CCDC149: variants seen among roughly 807,000 people sequenced by gnomAD.
The protein encoded by CCDC149 is coiled-coil domain-containing protein 149.
CCDC149 carries 45 observed loss-of-function variants against 59.9 expected under a neutral mutation model. The ratio of observed to expected loss-of-function variants is 0.75; its 90% CI spans 0.59 to 0.96. The LOEUF (loss-of-function observed/expected upper bound fraction) is 0.96. CCDC149 is among the 40% of genes least tolerant of loss of function. The pLI, the probability that CCDC149 is intolerant of heterozygous loss-of-function variation, is 0.00. For synonymous variants in CCDC149, 245 were observed against 260.6 expected (o/e 0.94, Z 0.58); for missense variants, 584 against 664.7 (o/e 0.88, Z 1.33).
At chr4:24,979,703 G>A (rs964420162) in intron 1 of CCDC149, among the ~76,000 whole-genome samples, 1 of 152,174 alleles carries the variant, frequency 6.6e-6, no homozygotes, top group Non-Finnish European at 1.5e-5. Context: ...AAACCAGAGT[G>A]CAACGGAAAG....
intron 4 of CCDC149, among the ~76,000 whole-genome samples, chr4:24,848,600 T>G (rs56361784): frequency 6.7e-6 from 1 of 148,902 alleles, no homozygotes; most frequent in African/African-American, 2.5e-5. Flanking sequence ...ATAAATACAA[T>G]AAATAATGAC....
chr4:24,960,058 C>T (rs1723594162), intron 1 of CCDC149, among the ~76,000 whole-genome samples: 1 of 152,120 alleles, frequency 6.6e-6, no homozygotes, highest in Non-Finnish European at 1.5e-5. Context: ...ACAAAATAAT[C>T]ACAATGAATT....
At chr4:24,943,287 A>G (rs1485051142) in intron 1 of CCDC149, among the ~76,000 whole-genome samples, 3 of 152,220 alleles carry the variant, frequency 2.0e-5, no homozygotes, top group East Asian at 1.9e-4. Context: ...CTGATCCTTG[A>G]CAAACCTGAG....
intron 1 of CCDC149, among the ~76,000 whole-genome samples, chr4:24,951,992 G>T (rs2109355211): frequency 6.6e-6 from 1 of 152,300 alleles, no homozygotes; most frequent in Admixed American, 6.5e-5. Context: ...AATTTTGAAA[G>T]GAGAGTCCTC....
At chr4:24,896,533 C>T (rs534648749) in intron 1 of CCDC149, among the ~76,000 whole-genome samples, 32 of 152,168 alleles carry the variant, frequency 2.1e-4, no homozygotes, top group African/African-American at 4.6e-4. Flanking sequence ...TGTTCAGACA[C>T]GCTATAATAC....
chr4:24,894,260 A>G (rs1424942389), intron 1 of CCDC149, among the ~76,000 whole-genome samples: 1 of 152,228 alleles, frequency 6.6e-6, no homozygotes, highest in Non-Finnish European at 1.5e-5. Context: ...CTGCAAATGG[A>G]AACTTAATAT....
chr4:24,889,846 C>A (rs1720426475), intron 1 of CCDC149, among the ~76,000 whole-genome samples: 1 of 152,064 alleles, frequency 6.6e-6, no homozygotes, highest in Non-Finnish European at 1.5e-5. Flanking sequence ...CTAAAAAATA[C>A]CCTAACACCC....
chr4:24,941,274 A>G (rs1466435650), intron 1 of CCDC149, among the ~76,000 whole-genome samples: 2 of 152,242 alleles, frequency 1.3e-5, no homozygotes, highest in East Asian at 3.9e-4. Context: ...ATGGAAACTG[A>G]ACAACCTGCT....
intron 3 of CCDC149, among the ~76,000 whole-genome samples, chr4:24,861,850 GA>G (rs1718409842): frequency 6.6e-6 from 1 of 152,174 alleles, no homozygotes; most frequent in Admixed American, 6.5e-5. Context: ...AGATGGACAT[GA>G]AGGGAATCAG....
intron 2 of CCDC149, among the ~76,000 whole-genome samples, chr4:24,874,260 G>T (rs13113491): frequency 0.17 from 5,626 of 32,382 alleles, 714 homozygotes; most frequent in African/African-American, 0.36. Context: ...TTTTTTTTTT[G>T]TTTTGTTTTT....
intron 3 of CCDC149, among the ~76,000 whole-genome samples, chr4:24,863,031 G>T (rs1718473914): frequency 2.0e-5 from 3 of 152,178 alleles, no homozygotes. Flanking sequence ...AATGGCTCAG[G>T]CCTGTAATCC....
intron 1 of CCDC149, among the ~76,000 whole-genome samples, chr4:24,885,640 G>A (rs1042646020): frequency 3.9e-5 from 6 of 152,162 alleles, no homozygotes; most frequent in African/African-American, 1.4e-4. Context: ...AGGAAAAACA[G>A]GGAAATATCC....
chr4:24,843,250 A>G (rs954226018), intron 4 of CCDC149, among the ~76,000 whole-genome samples: 12 of 152,366 alleles, frequency 7.9e-5, no homozygotes, highest in Middle Eastern at 3.4e-3. Flanking sequence ...CGAGAGGGTC[A>G]GATGAAAGAA....
At chr4:24,976,549 C>T (rs1360781632) in intron 1 of CCDC149, among the ~76,000 whole-genome samples, 1 of 152,048 alleles carries the variant, frequency 6.6e-6, no homozygotes, top group African/African-American at 2.4e-5. Context: ...TCCATCTCTA[C>T]CAAAAATACA....
chr4:24,885,716 C>T (rs1018618371), intron 1 of CCDC149, among the ~76,000 whole-genome samples: 6 of 152,220 alleles, frequency 3.9e-5, no homozygotes, highest in Non-Finnish European at 8.8e-5. Flanking sequence ...TCCACTTTTG[C>T]TCTTCAGTCA....
chr4:24,952,619 AAAAAAAAAT>A (rs1723337153), intron 1 of CCDC149, among the ~76,000 whole-genome samples: 4 of 35,156 alleles, frequency 1.1e-4, no homozygotes, highest in Admixed American at 4.5e-4. Context: ...AAAAAAAAAA[AAAAAAAAAT>A]ATATATATAT....
chr4:24,872,730 G>A (rs1719121536), intron 3 of CCDC149, among the ~76,000 whole-genome samples: 1 of 141,732 alleles, frequency 7.1e-6, no homozygotes, highest in Non-Finnish European at 1.5e-5. Flanking sequence ...CCCGCCAAAT[G>A]GTAAGCACCC....
At chr4:24,852,287 T>TAAAC in intron 4 of CCDC149, among the ~76,000 whole-genome samples, 1 of 121,356 alleles carries the variant, frequency 8.2e-6, no homozygotes, top group East Asian at 2.6e-4. Context: ...CAACACACCA[T>TAAAC]ACACACACAC....
At chr4:24,900,330 C>T (rs1373609670) in intron 1 of CCDC149, among the ~76,000 whole-genome samples, 4 of 152,238 alleles carry the variant, frequency 2.6e-5, no homozygotes, top group Non-Finnish European at 4.4e-5. Context: ...CAACCCACTA[C>T]AATGGTGGCT....
Sources: allele counts gnomAD v4.1 joint callset (sites outside exome capture counted in the v4.1 genomes callset), GRCh38; gene constraint gnomAD v4.1.1; transcripts MANE v1.5; gene names NCBI Gene and HGNC (gene_info 2026-07-23, HGNC 2026-07-21).